The following MRPL1 variants were observed in gnomAD, a reference collection of about 807,000 sequenced individuals.
MRPL1 encodes the protein mitochondrial ribosomal protein L1, also known as large ribosomal subunit protein uL1m.
Under a neutral mutation model 38.0 loss-of-function variants are expected in MRPL1, and 28 were observed. The ratio of observed to expected loss-of-function variants is 0.74; its 90% CI spans 0.55 to 1.01. The LOEUF is 1.01. Among genes scored for constraint, MRPL1 ranks in the 50% least tolerant of loss-of-function variants. MRPL1 has a pLI of 0.00. For synonymous variants in MRPL1, 123 were observed against 126.7 expected (o/e 0.97, Z 0.20); for missense variants, 358 against 389.8 (o/e 0.92, Z 0.69).
At chr4:77,881,656 G>C (rs569074025) in intron 2 of MRPL1, among the ~76,000 whole-genome samples, 2 of 152,012 alleles carry the variant, frequency 1.3e-5, no homozygotes, top group East Asian at 3.9e-4. Context: ...GCCCAGGCTG[G>C]TCTTGAACTC....
chr4:77,878,923 A>T (rs369255485), intron 2 of MRPL1, among the ~76,000 whole-genome samples: 17 of 152,254 alleles, frequency 1.1e-4, no homozygotes, highest in African/African-American at 3.4e-4. Context: ...CATGGAAATC[A>T]TGTTTTTGGA....
At chr4:77,897,625 T>G (rs1735947322) in intron 6 of MRPL1, among the ~76,000 whole-genome samples, 1 of 152,232 alleles carries the variant, frequency 6.6e-6, no homozygotes, top group African/African-American at 2.4e-5. Flanking sequence ...GTCCAAAAGA[T>G]ATCCACATAT....
At chr4:77,909,145 C>T (rs1183551413) in intron 6 of MRPL1, 121 bp from the exon 7 acceptor site, 2 of 708,310 alleles carry the variant, frequency 2.8e-6, no homozygotes, top group Non-Finnish European at 5.0e-6. Context: ...CTCTTTGGAA[C>T]TAAAGTTTAT....
At chr4:77,945,656 A>G (rs1737244757) in intron 7 of MRPL1, among the ~76,000 whole-genome samples, 1 of 152,110 alleles carries the variant, frequency 6.6e-6, no homozygotes, top group African/African-American at 2.4e-5. Context: ...AAGAGTATAA[A>G]GAGAGGAATT....
At chr4:77,918,805 A>T (rs1230560699) in intron 7 of MRPL1, among the ~76,000 whole-genome samples, 2 of 152,182 alleles carry the variant, frequency 1.3e-5, no homozygotes, top group African/African-American at 4.8e-5. Context: ...AGTGCCTGAC[A>T]TATAGCAGGT....
At chr4:77,864,154 G>A (rs541363007) in intron 1 of MRPL1, among the ~76,000 whole-genome samples, 3 of 152,222 alleles carry the variant, frequency 2.0e-5, no homozygotes, top group African/African-American at 7.2e-5. Context: ...GAGGTTGAAG[G>A]CATCTTCATG....
intron 8 of MRPL1, 29 bp from the exon 9 acceptor site, chr4:77,952,460 T>C (rs776942231): frequency 6.7e-7 from 1 of 1,495,978 alleles, no homozygotes; most frequent in South Asian, 1.1e-5. Flanking sequence ...GATATAAAAA[T>C]CAAAGTTGAT....
intron 6 of MRPL1, among the ~76,000 whole-genome samples, chr4:77,895,785 A>G (rs1471549237): frequency 6.6e-6 from 1 of 152,202 alleles, no homozygotes; most frequent in East Asian, 1.9e-4. Flanking sequence ...TATTTATTAG[A>G]TTTTGAACTG....
intron 7 of MRPL1, among the ~76,000 whole-genome samples, chr4:77,919,560 G>A (rs192240998): frequency 6.6e-6 from 1 of 152,144 alleles, no homozygotes; most frequent in Admixed American, 6.5e-5. Context: ...TCTTTCATTT[G>A]CTGAGAGTGG....
Position 77,919,716 on chromosome 4 carries a change from T to A in MRPL1, c.777+10344T>A, listed in dbSNP as rs184629038. Among the ~76,000 whole-genome samples the A allele has an allele frequency of 3.0e-3, 461 of 152,236 alleles. 8 individuals carry two copies. The highest frequency in any genetic ancestry group is 0.027 in the South Asian group (128 of 4,830). On this transcript the variant is annotated intron_variant, in intron 7 of 8. Transcript: ENST00000315567. Reference sequence around the variant, plus strand: ...AAATTTAAAATGTGTTTATTTGCTTTTTTTAGCCTTTCATAACATTTAATA... The same window carrying A: ...AAATTTAAAATGTGTTTATTTGCTTATTTTAGCCTTTCATAACATTTAATA...
rs145080444 is a variant in MRPL1, at chr4:77,882,764, G to T, written c.144-478G>T. 9.9e-4 allele frequency among the ~76,000 whole-genome samples: 150 copies of T among 152,052 alleles called. 1 individual carries two copies. The highest frequency in any genetic ancestry group is 3.1e-3 in the African/African-American group (129 of 41,474). The stretch of plus-strand genomic sequence containing the variant: ...ACATTTGGGTTGTTTCTACTTTTTG[G>T]CTGTTATGAATAATGCTGCTAAGAA... On this transcript the variant is annotated intron_variant, in intron 2 of 8. Coordinates refer to ENST00000315567, the MANE Select transcript of MRPL1 (RefSeq NM_020236.4).
At chr4:77,948,877 T>C (rs1013364871) in intron 7 of MRPL1, among the ~76,000 whole-genome samples, 38 of 152,046 alleles carry the variant, frequency 2.5e-4, no homozygotes, top group African/African-American at 8.2e-4. Context: ...ACCAAGCGAT[T>C]CTCCTGCCTC....
At chr4:77,936,588 C>T (rs868635903) in intron 7 of MRPL1, among the ~76,000 whole-genome samples, 2 of 152,178 alleles carry the variant, frequency 1.3e-5, no homozygotes, top group African/African-American at 2.4e-5. Context: ...CAACTGTGCT[C>T]ATTTATGTAT....
intron 7 of MRPL1, among the ~76,000 whole-genome samples, chr4:77,911,378 A>G (rs1237103756): frequency 2.6e-5 from 4 of 152,168 alleles, no homozygotes; most frequent in South Asian, 4.1e-4. Flanking sequence ...TGATTAAGAC[A>G]TAGGTCTTAA....
At chr4:77,881,608 A>AT (rs1735544224) in intron 2 of MRPL1, among the ~76,000 whole-genome samples, 1 of 151,798 alleles carries the variant, frequency 6.6e-6, no homozygotes, top group Non-Finnish European at 1.5e-5. Flanking sequence ...TGCCCAGCTA[A>AT]TTTTTTTGAT....
chr4:77,906,363 C>T (rs1160343917), intron 6 of MRPL1, among the ~76,000 whole-genome samples: 1 of 144,674 alleles, frequency 6.9e-6, no homozygotes, highest in Non-Finnish European at 1.5e-5. Context: ...ATAGAGATGG[C>T]TTTTTTTTTT....
At chr4:77,903,138 G>A (rs1213298871) in intron 6 of MRPL1, among the ~76,000 whole-genome samples, 1 of 152,088 alleles carries the variant, frequency 6.6e-6, no homozygotes, top group Non-Finnish European at 1.5e-5. Flanking sequence ...CAATATATAT[G>A]TACATAAAAA....
chr4:77,906,590 G>C (rs973239927), intron 6 of MRPL1, among the ~76,000 whole-genome samples: 14 of 152,128 alleles, frequency 9.2e-5, no homozygotes, highest in African/African-American at 3.4e-4. Context: ...AAATGAAGAG[G>C]AATGGCCTTT....
chr4:77,874,782 C>CTT (rs59185212), intron 2 of MRPL1, among the ~76,000 whole-genome samples: 1 of 131,086 alleles, frequency 7.6e-6, no homozygotes. Context: ...ATTTTCTTTT[C>CTT]TTTTTTTTTT....
Sources: gnomAD v4.1 joint callset for allele counts (sites outside exome capture counted in the v4.1 genomes callset) on GRCh38, gnomAD v4.1.1 for gene constraint, MANE v1.5 for transcripts, NCBI Gene and HGNC (gene_info 2026-07-23, HGNC 2026-07-21) for gene names.